The following PPP1R3A variants were observed in gnomAD, a reference collection of about 807,000 sequenced individuals.
The protein encoded by PPP1R3A is protein phosphatase 1 regulatory subunit 3A.
In PPP1R3A, 29 loss-of-function variants were observed where a neutral mutation model predicts 41.7. The observed-to-expected ratio is 0.70, with a 90% CI of 0.52 to 0.95. The LOEUF (loss-of-function observed/expected upper bound fraction) is 0.95, where lower values mean the gene tolerates loss of function less well. PPP1R3A is among the 40% of genes least tolerant of loss of function. The pLI is 0.00. For synonymous variants in PPP1R3A, 485 were observed against 453.4 expected (o/e 1.07, Z -0.89); for missense variants, 1,352 against 1,292.4 (o/e 1.05, Z -0.71).
chr7:113,881,926 C>T, intron 3 of PPP1R3A, 113 bp downstream of exon 3: 1 of 1,268,808 alleles, frequency 7.9e-7, no homozygotes, highest in Non-Finnish European at 1.1e-6. Flanking sequence ...ATAGGCTGTG[C>T]TTTCACATTT....
Position 113,881,421 on chromosome 7 carries a change from A to G in PPP1R3A, c.966+618T>C, listed in dbSNP as rs535468817. On this transcript the variant is annotated intron_variant, in intron 3 of 3. Transcript: ENST00000284601. ...CCTTTGTGATAAAAGTGCTGTATAA[A>G]CCATCCCCCCAAAAAATTCCAAATA... Among the ~76,000 whole-genome samples the G allele has an allele frequency of 5.3e-5, 8 of 152,138 alleles. No individual in the cohort carries two copies. In the East Asian group the frequency reaches 1.2e-3, roughly 22 times the overall value.
chr7:113,912,384 T>C (rs1797265890), intron 1 of PPP1R3A, among the ~76,000 whole-genome samples: 1 of 152,156 alleles, frequency 6.6e-6, no homozygotes, highest in East Asian at 1.9e-4. Context: ...CACACATGTG[T>C]GTGCATGTGT....
chr7:113,901,911 G>C (rs1797068815), intron 1 of PPP1R3A, among the ~76,000 whole-genome samples: 1 of 151,754 alleles, frequency 6.6e-6, no homozygotes, highest in South Asian at 2.1e-4. Flanking sequence ...ATAAACAAAT[G>C]CCACCTTTTG....
rs376493113 is a variant in PPP1R3A, at chr7:113,918,626, T to C, written c.371A>G (p.Gln124Arg). 3 of 1,613,664 alleles carry C rather than the reference T, an allele frequency of 1.9e-6. No homozygotes were observed. The highest frequency in any genetic ancestry group is 1.1e-5 in the South Asian group (1 of 91,066). ...TGACTCCAGTATTGCTTTCTGTATTTGGAGTTGTTGCATAAGATCTTCTTT... is the reference window on the plus strand; with the variant it reads ...TGACTCCAGTATTGCTTTCTGTATTCGGAGTTGTTGCATAAGATCTTCTTT... ...SSKEDLMQQLQIQKAILESTE... is the reference protein window; with the variant it reads ...SSKEDLMQQLRIQKAILESTE... Residue 124 changes from glutamine to arginine, a missense_variant, in exon 1 of 4, where the codon CAA becomes CGA. By Grantham distance (43) the Gln-to-Arg change is conservative. Transcript: ENST00000284601.
chr7:113,899,066 A>G (rs1005234620), intron 1 of PPP1R3A, among the ~76,000 whole-genome samples: 2 of 151,782 alleles, frequency 1.3e-5, no homozygotes. Context: ...AGCATTTATA[A>G]AGACCAGTAC....
In PPP1R3A at chr7:113,877,940, G is replaced by A; in HGVS notation, c.3152C>T (p.Ser1051Phe). The stretch of plus-strand genomic sequence containing the variant: ...ACTTTCCTCAACAGGAAGACTAGTA[G>A]AAGCAGAGCTGTCAGATTCCTTTTC... ...SGEKESDSSA[S>F]TSLPVEESQA... Residue 1051 changes from serine (S) to phenylalanine (F), a missense_variant, in exon 4 of 4, where the codon TCT becomes TTT. Transcript: ENST00000284601. 6.2e-7 allele frequency: 1 copy of A among 1,613,392 alleles called. No homozygotes were observed. Among genetic ancestry groups the A allele is most frequent in the East Asian group, 2.2e-5 (1 of 44,830 alleles).
At chr7:113,914,589 GAGA>G (rs1258690600) in intron 1 of PPP1R3A, among the ~76,000 whole-genome samples, 1 of 152,146 alleles carries the variant, frequency 6.6e-6, no homozygotes, top group Admixed American at 6.6e-5. Context: ...AATGAAAGAG[GAGA>G]AGAACTTTGG....
chr7:113,909,613 C>T (rs779932384), intron 1 of PPP1R3A, among the ~76,000 whole-genome samples: 9 of 151,934 alleles, frequency 5.9e-5, no homozygotes, highest in Non-Finnish European at 1.2e-4. Context: ...GTTTTTTCTT[C>T]TCTGGCGTAT....
intron 1 of PPP1R3A, among the ~76,000 whole-genome samples, chr7:113,910,924 T>G (rs1459877145): frequency 6.6e-6 from 1 of 152,104 alleles, no homozygotes; most frequent in Non-Finnish European, 1.5e-5. Flanking sequence ...GGTACTTGAA[T>G]CCTTTTTACT....
rs1051059329 is a variant in PPP1R3A, at chr7:113,878,948, G to A, written c.2144C>T (p.Ser715Phe). ...CQETVCCELSSLADHGITEKA... is the reference protein window; with the variant it reads ...CQETVCCELSFLADHGITEKA... Reference sequence around the variant, plus strand: ...CTCAGTAATGCCATGATCAGCTAGAGAAGACAGTTCACAGCACACTGTTTC... The same window carrying A: ...CTCAGTAATGCCATGATCAGCTAGAAAAGACAGTTCACAGCACACTGTTTC... Residue 715 changes from serine (S) to phenylalanine (F), a missense_variant, in exon 4 of 4, where the codon TCT becomes TTT. Ser to Phe is a radical substitution (Grantham distance 155, BLOSUM62 -2). Transcript: ENST00000284601. 6.2e-7 allele frequency: 1 copy of A among 1,613,198 alleles called. No individual in the cohort carries two copies. Among genetic ancestry groups the A allele is most frequent in the African/African-American group, 1.3e-5 (1 of 74,978 alleles).
chr7:113,908,118 T>C (rs1411910009), intron 1 of PPP1R3A, among the ~76,000 whole-genome samples: 1 of 151,890 alleles, frequency 6.6e-6, no homozygotes, highest in African/African-American at 2.4e-5. Flanking sequence ...AAATGGGTTT[T>C]ATGAGATTTG....
At position 113,918,670 on chromosome 7, in the gene PPP1R3A, C is replaced by T. The variant is rs200585550; in HGVS notation, c.327G>A (p.Leu109=). 463 of 1,613,532 alleles carry T rather than the reference C, an allele frequency of 2.9e-4. No individual in the cohort carries two copies. The highest frequency in any genetic ancestry group is 3.6e-4 in the Non-Finnish European group (423 of 1,179,806). Residue 109 remains leucine, a synonymous_variant, in exon 1 of 4, where the codon CTG becomes CTA. Transcript: ENST00000284601. ...FHTEEYVLAP[L]FDLPSSKEDL... The stretch of plus-strand genomic sequence containing the variant: ...CTTCTTTTGAAGAAGGCAAGTCAAA[C>T]AGTGGGGCTAAAACATATTCTTCTG...
Position 113,878,700 on chromosome 7 carries a change from C to T in PPP1R3A, c.2392G>A (p.Asp798Asn). 4 of 1,613,362 alleles carry T rather than the reference C, an allele frequency of 2.5e-6. No homozygotes were observed. Among genetic ancestry groups the T allele is most frequent in the Non-Finnish European group, 3.4e-6 (4 of 1,179,652 alleles). Residue 798 changes from aspartate to asparagine, a missense_variant, in exon 4 of 4, where the codon GAC (aspartate) becomes AAC (asparagine). Transcript: ENST00000284601. ...CQRDTVGVIY[D>N]NDFEKESRLG... ...CGTGATTCCTTTTCAAAATCATTGT[C>T]ATAGATTACACCTACTGTATCTCGT...
intron 1 of PPP1R3A, among the ~76,000 whole-genome samples, chr7:113,906,133 A>G (rs191758348): frequency 4.6e-5 from 7 of 151,938 alleles, no homozygotes; most frequent in Admixed American, 2.6e-4. Context: ...TTTTTCATTG[A>G]TATCTTTGTA....
chr7:113,879,417 T>C lies in PPP1R3A; in HGVS notation c.1675A>G (p.Asn559Asp), dbSNP rs1402206427. 1 of 1,613,576 alleles carries C rather than the reference T, an allele frequency of 6.2e-7. No individual in the cohort carries two copies. The highest frequency in any genetic ancestry group is 8.5e-7 in the Non-Finnish European group (1 of 1,179,740). ...CTCAGCAGAGTAGCCAGGTCTCTGTTACTAGCTCCAATCCCTGCCACACTT... is the reference window on the plus strand; with the variant it reads ...CTCAGCAGAGTAGCCAGGTCTCTGTCACTAGCTCCAATCCCTGCCACACTT... ...KISVAGIGAS[N>D]RDLATLLSEH... Residue 559 changes from asparagine to aspartate, a missense_variant, in exon 4 of 4, where the codon AAC becomes GAC. Asn to Asp is a conservative substitution (Grantham distance 23). Coordinates refer to ENST00000284601, the MANE Select transcript of PPP1R3A (RefSeq NM_002711.4).
intron 1 of PPP1R3A, among the ~76,000 whole-genome samples, chr7:113,915,948 T>C (rs889585393): frequency 1.6e-4 from 25 of 152,134 alleles, no homozygotes; most frequent in African/African-American, 4.3e-4. Context: ...TGAAACCCCA[T>C]TGCATATAAA....
rs2129113116 is a variant in PPP1R3A, at chr7:113,879,523, A to G, written c.1569T>C (p.Tyr523=). 6.2e-7 allele frequency: 1 copy of G among 1,613,030 alleles called. No individual in the cohort carries two copies. The highest frequency in any genetic ancestry group is 8.5e-7 in the Non-Finnish European group (1 of 1,179,462). ...NGKDDEEQRI[Y]LGVNEKQRKN... ...TTCTTTGTTTTTCATTAACACCTAA[A>G]TATATTCTTTGTTCTTCATCATCCT... The change falls in exon 4 of 4, where the codon TAT becomes TAC. Residue 523 remains tyrosine, a synonymous_variant. Coordinates refer to ENST00000284601, the MANE Select transcript of PPP1R3A (RefSeq NM_002711.4).
chr7:113,908,339 C>G (rs200527580), intron 1 of PPP1R3A, among the ~76,000 whole-genome samples: 1 of 151,454 alleles, frequency 6.6e-6, no homozygotes, highest in African/African-American at 2.4e-5. Context: ...TGTGCACACA[C>G]GTGTGTGTGT....
intron 1 of PPP1R3A, 150 bp downstream of exon 1, chr7:113,918,065 C>T (rs1797369377): frequency 1.4e-6 from 1 of 732,658 alleles, no homozygotes; most frequent in Non-Finnish European, 2.2e-6. Context: ...ATTTGAATAG[C>T]TTTGACCTTG....
Sources: gnomAD v4.1 joint callset for allele counts (sites outside exome capture counted in the v4.1 genomes callset) on GRCh38, gnomAD v4.1.1 for gene constraint, MANE v1.5 for transcripts, NCBI Gene and HGNC (gene_info 2026-07-23, HGNC 2026-07-21) for gene names.